The following ELOVL2 variants were observed in gnomAD, a reference collection of about 807,000 sequenced individuals.
ELOVL2 encodes ELOVL fatty acid elongase 2, also known as very long chain fatty acid elongase 2.
Under a neutral mutation model 37.7 loss-of-function variants are expected in ELOVL2, and 38 were observed. That is an observed-to-expected ratio of 1.01 (90% CI 0.78 to 1.32). ELOVL2 has a LOEUF of 1.32. ELOVL2 is among the 40% of genes most tolerant of loss of function. The pLI, the probability that ELOVL2 is intolerant of heterozygous loss-of-function variation, is 0.00. For synonymous variants in ELOVL2, 115 were observed against 122.3 expected, an observed-to-expected ratio of 0.94 and a Z score of 0.40; for missense variants, 352 against 363.6, an observed-to-expected ratio of 0.97 and a Z score of 0.26.
At position 10,995,058 on chromosome 6, in the gene ELOVL2, A is replaced by G. The variant is rs780837408; in HGVS notation, c.454T>C (p.Ser152Pro). The change falls in exon 5 of 8, where the codon TCT becomes CCT. Residue 152 changes from serine (S) to proline (P), a missense_variant. Physicochemically the swap from Ser to Pro is moderately conservative, Grantham distance 74 (BLOSUM62 -1). Coordinates refer to ENST00000354666, the MANE Select transcript of ELOVL2 (RefSeq NM_017770.4). ...ACACACCACCAGATGTTAAACATAG[A>G]AGCATGATGATATACATGAAGAAAA... is the stretch of plus-strand genomic sequence containing the variant. ...ITFLHVYHHA[S>P]MFNIWWCVLN... is the part of the protein sequence containing the mutation. 1 of 1,613,032 alleles carries G rather than the reference A, an allele frequency of 6.2e-7. No homozygotes were observed. Among genetic ancestry groups the G allele is most frequent in the Non-Finnish European group, 8.5e-7 (1 of 1,179,276 alleles).
chr6:11,038,920 G>C (rs1332394226), intron 1 of ELOVL2, among the ~76,000 whole-genome samples: 1 of 152,168 alleles, frequency 6.6e-6, no homozygotes, highest in Non-Finnish European at 1.5e-5. Context: ...CTAGTTTTAA[G>C]TGCTGTGGAA....
At position 11,044,162 on chromosome 6, in the gene ELOVL2, C is replaced by G. The variant is rs1239266488; in HGVS notation, c.3+66G>C. ...GGCGCCCGCTCGGCCCTTTCCCGCC[C>G]GGTGCGTGGGTCCAGGAGAGAAAGA... On this transcript the variant is annotated intron_variant, in intron 1 of 7. Transcript: ENST00000354666. This position sits in a 1 kb window ranked among gnomAD's most constrained non-coding sequence, Gnocchi z 5.6. 2.8e-6 allele frequency: 4 copies of G among 1,433,548 alleles called. No homozygotes were observed. In the African/African-American group the frequency reaches 4.5e-5, roughly 16 times the overall value. 88.8% of individuals were successfully genotyped at this position (1,433,548 alleles called of 1,614,324 possible). A position where few individuals can be genotyped will look rare whatever the true frequency, so the allele number is the denominator to read the frequency against.
chr6:10,992,342 T>C (rs1471766349), intron 5 of ELOVL2, among the ~76,000 whole-genome samples: 4 of 152,252 alleles, frequency 2.6e-5, no homozygotes, highest in African/African-American at 9.6e-5. Context: ...CATGTTCTGA[T>C]TTTTCATATT....
At chr6:11,036,407 A>AT (rs964511259) in intron 1 of ELOVL2, among the ~76,000 whole-genome samples, 9 of 151,948 alleles carry the variant, frequency 5.9e-5, no homozygotes, top group East Asian at 1.9e-4. Context: ...GATATATGCC[A>AT]TTTTTTTTAG....
At chr6:11,002,274 A>G (rs1012491901) in intron 3 of ELOVL2, among the ~76,000 whole-genome samples, 2 of 152,166 alleles carry the variant, frequency 1.3e-5, no homozygotes, top group African/African-American at 4.8e-5. Flanking sequence ...TCTTTCTTAC[A>G]GGGCAAAGGT....
At chr6:11,035,175 T>C (rs1055875954) in intron 1 of ELOVL2, among the ~76,000 whole-genome samples, 1 of 152,182 alleles carries the variant, frequency 6.6e-6, no homozygotes, top group African/African-American at 2.4e-5. Flanking sequence ...TTCTCCTAAA[T>C]AGACTGTTCT....
intron 1 of ELOVL2, chr6:11,043,896 C>T (rs1451447708): frequency 8.2e-6 from 2 of 242,444 alleles, no homozygotes; most frequent in African/African-American, 2.3e-5. Context: ...GGGCGGCTTC[C>T]TCGGGCATCC....
intron 7 of ELOVL2, among the ~76,000 whole-genome samples, chr6:10,988,578 AAAAT>A (rs1372764685): frequency 6.6e-6 from 1 of 152,230 alleles, no homozygotes; most frequent in Non-Finnish European, 1.5e-5. Context: ...AAAATAAATA[AAAAT>A]AAAAACCACT....
In ELOVL2 at chr6:11,044,231, G is replaced by A; in HGVS notation, c.-1C>T. ...GGCGGCGCGCGGCCCCACTCACCAT[G>A]ATCCGCAGCGGCTGTGGCGCGGCGA... On this transcript the variant is annotated 5_prime_UTR_variant, in exon 1 of 8. Coordinates refer to ENST00000354666, the MANE Select transcript of ELOVL2 (RefSeq NM_017770.4). This position sits in a 1 kb window ranked among gnomAD's most constrained non-coding sequence, Gnocchi z 5.6. The A allele has an allele frequency of 3.6e-6, 5 of 1,391,464 alleles. No homozygotes were observed. Among genetic ancestry groups the A allele is most frequent in the Non-Finnish European group, 4.7e-6 (5 of 1,071,440 alleles). The allele number at this position is 1,391,464 out of a possible 1,614,324, so 86.2% of individuals were successfully genotyped here.
chr6:10,995,061 CATG>C lies in ELOVL2; in HGVS notation c.448_450del (p.His150del). 2 of 1,613,370 alleles carry C rather than the reference CATG, an allele frequency of 1.2e-6. No individual in the cohort carries two copies. Among genetic ancestry groups the C allele is most frequent in the Non-Finnish European group, 1.7e-6 (2 of 1,179,478 alleles). ...CACCACCAGATGTTAAACATAGAAG[CATG>C]ATGATATACATGAAGAAAAGTAATC... On this transcript the variant is annotated inframe_deletion, in exon 5 of 8. Coordinates refer to ENST00000354666, the MANE Select transcript of ELOVL2 (RefSeq NM_017770.4).
intron 5 of ELOVL2, among the ~76,000 whole-genome samples, chr6:10,990,923 C>A (rs902298369): frequency 3.3e-5 from 5 of 152,134 alleles, no homozygotes; most frequent in Admixed American, 6.5e-5. Context: ...TAAATAAATT[C>A]TGCCTGAAAG....
chr6:11,007,113 T>C (rs1444669526), intron 2 of ELOVL2, among the ~76,000 whole-genome samples: 2 of 152,196 alleles, frequency 1.3e-5, no homozygotes, highest in African/African-American at 4.8e-5. Context: ...TAGGTGATAA[T>C]ATCATCCCAG....
intron 7 of ELOVL2, among the ~76,000 whole-genome samples, chr6:10,984,110 C>G (rs574832921): frequency 1.3e-5 from 2 of 152,126 alleles, no homozygotes; most frequent in African/African-American, 4.8e-5. Flanking sequence ...CTCCGCCTCC[C>G]GGGTTCAAGT....
At position 11,027,050 on chromosome 6, in the gene ELOVL2, CCTGT is replaced by C. The variant is rs746554451; in HGVS notation, c.4-16245_4-16242del. Among the ~76,000 whole-genome samples, 30 of 152,206 alleles carry C rather than the reference CCTGT, an allele frequency of 2.0e-4. No individual in the cohort carries two copies. In the East Asian group the frequency reaches 4.6e-3, roughly 23 times the overall value. On this transcript the variant is annotated intron_variant, in intron 1 of 7. Transcript: ENST00000354666. ...GTTTTTCGATATATCTCTTGAACCTCCTGTCTAATGGAAATTTTGTATCCTTTGA... is the reference window on the plus strand; with the variant it reads ...GTTTTTCGATATATCTCTTGAACCTCCTAATGGAAATTTTGTATCCTTTGA...
chr6:11,002,611 G>A (rs1208248302), intron 3 of ELOVL2, among the ~76,000 whole-genome samples: 1 of 152,232 alleles, frequency 6.6e-6, no homozygotes, highest in African/African-American at 2.4e-5. Flanking sequence ...GTAAGCAGTA[G>A]ATAAAATCAG....
At position 10,983,817 on chromosome 6, in the gene ELOVL2, A is replaced by G; in HGVS notation, c.855T>C (p.Thr285=). Residue 285 remains threonine (T), a synonymous_variant, in exon 8 of 8, where the codon ACT becomes ACC. Coordinates refer to ENST00000354666, the MANE Select transcript of ELOVL2 (RefSeq NM_017770.4). ...TCTTGTTCATCACTCCATTTGCTGC[A>G]GTGAAGTAGGCTTTGGAAAAACCAT... is the stretch of plus-strand genomic sequence containing the variant. The part of the protein sequence containing the change: ...VKNGFSKAYF[T]AANGVMNKKA... 2 of 1,613,082 alleles carry G rather than the reference A, an allele frequency of 1.2e-6. No individual in the cohort carries two copies. Among genetic ancestry groups the G allele is most frequent in the African/African-American group, 2.7e-5 (2 of 74,950 alleles).
chr6:10,984,040 CAG>C, intron 7 of ELOVL2, 134 bp from the exon 8 acceptor site: 2 of 844,968 alleles, frequency 2.4e-6, no homozygotes, highest in East Asian at 2.8e-5. Flanking sequence ...CTTTTTGAGG[CAG>C]AGTTTCAATC....
chr6:11,018,894 G>A (rs1454953579), intron 1 of ELOVL2, among the ~76,000 whole-genome samples: 3 of 151,936 alleles, frequency 2.0e-5, no homozygotes, highest in Admixed American at 6.6e-5. Flanking sequence ...GTAATTAGTG[G>A]GCTATACAAA....
chr6:11,023,368 A>C (rs980563097), intron 1 of ELOVL2, among the ~76,000 whole-genome samples: 1 of 152,234 alleles, frequency 6.6e-6, no homozygotes, highest in African/African-American at 2.4e-5. Context: ...TATCCTTTTG[A>C]ATATGAAAAC....
Sources: allele counts gnomAD v4.1 joint callset (sites outside exome capture counted in the v4.1 genomes callset), GRCh38; gene constraint gnomAD v4.1.1; non-coding constraint Gnocchi (gnomAD v3.1); transcripts MANE v1.5; gene names NCBI Gene and HGNC (gene_info 2026-07-23, HGNC 2026-07-21).